Variants in SFXN5 observed in about 807,000 individuals in gnomAD.
SFXN5 encodes sideroflexin-5.
A neutral mutation model predicts 50.2 loss-of-function variants in SFXN5; 43 were observed. The observed-to-expected ratio is 0.86, with a 90% CI of 0.67 to 1.11. SFXN5 has a LOEUF of 1.11. Ranked by LOEUF, SFXN5 falls within the 50% of genes least tolerant of loss-of-function variation. SFXN5 has a pLI of 0.00. For synonymous variants in SFXN5, 203 were observed against 185.8 expected, an observed-to-expected ratio of 1.09 and a Z score of -0.75; for missense variants, 463 against 454.1, an observed-to-expected ratio of 1.02 and a Z score of -0.18.
intron 10 of SFXN5, among the ~76,000 whole-genome samples, chr2:72,977,974 G>GAAAAAAAA (rs56975766): frequency 2.4e-5 from 1 of 40,926 alleles, no homozygotes. Flanking sequence ...CTCTGCCTCA[G>GAAAAAAAA]AAAAAAAAAA....
intron 13 of SFXN5, among the ~76,000 whole-genome samples, chr2:72,954,797 C>T (rs1046587812): frequency 2.0e-5 from 3 of 152,156 alleles, no homozygotes; most frequent in African/African-American, 7.2e-5. Flanking sequence ...TGCTGCAGGC[C>T]GGGCACCTGA....
intron 9 of SFXN5, among the ~76,000 whole-genome samples, chr2:72,990,042 G>T (rs1672392485): frequency 6.6e-6 from 1 of 152,264 alleles, no homozygotes; most frequent in African/African-American, 2.4e-5. Context: ...AGGGCTGCCA[G>T]GCGCCTGCCG....
chr2:73,044,574 G>A (rs1004038797), intron 2 of SFXN5: 1 of 152,416 alleles, frequency 6.6e-6, no homozygotes, highest in African/African-American at 2.4e-5. Flanking sequence ...CTCAGCAGAA[G>A]GGCCCGGGTA....
At chr2:72,955,711 G>A (rs941996240) in intron 13 of SFXN5, among the ~76,000 whole-genome samples, 12 of 152,222 alleles carry the variant, frequency 7.9e-5, no homozygotes, top group Admixed American at 3.9e-4. Flanking sequence ...AGCCAAGCCC[G>A]TGTTCCTGGA....
intron 6 of SFXN5, 83 bp from the exon 7 acceptor site, chr2:73,001,661 T>A: frequency 2.3e-6 from 3 of 1,310,262 alleles, no homozygotes; most frequent in Non-Finnish European, 3.3e-6. Flanking sequence ...CTACCACAAA[T>A]GAGTGAGCTG....
intron 2 of SFXN5, among the ~76,000 whole-genome samples, chr2:73,046,408 C>G (rs1442605354): frequency 9.3e-6 from 1 of 108,096 alleles, no homozygotes; most frequent in African/African-American, 3.2e-5. Context: ...GACTCCATCT[C>G]AAAAAAAAAA....
chr2:72,996,507 G>GTT lies in SFXN5; in HGVS notation c.534+2440_534+2441dup, dbSNP rs11447075. On this transcript the variant is annotated intron_variant, in intron 9 of 13. Transcript: ENST00000272433. ...GAGCTCTCAGAAAAAGCTGAGTTTT[G>GTT]TTTTTTTTTTTTTTTTTTTGAGACA... 7.5e-3 allele frequency: 939 copies of GTT among 125,328 alleles called. 20 individuals carry two copies. The highest frequency in any genetic ancestry group is 0.041 in the Admixed American group (479 of 11,594). The allele number at this position is 125,328 out of a possible 1,614,324, so 7.8% of individuals were successfully genotyped here. A position where few individuals can be genotyped will look rare whatever the true frequency, so the allele number is the denominator to read the frequency against.
chr2:73,007,336 G>A (rs1224188461), intron 6 of SFXN5, among the ~76,000 whole-genome samples: 3 of 152,046 alleles, frequency 2.0e-5, no homozygotes, highest in African/African-American at 7.2e-5. Flanking sequence ...GGGAAGACTA[G>A]GGCGAACTGT....
At chr2:73,066,198 T>C (rs935962740) in intron 1 of SFXN5, among the ~76,000 whole-genome samples, 1 of 152,048 alleles carries the variant, frequency 6.6e-6, no homozygotes, top group Non-Finnish European at 1.5e-5. Flanking sequence ...TGGGGAATTC[T>C]ACAGGGACGA....
chr2:72,989,973 G>A (rs1672385006), intron 9 of SFXN5, among the ~76,000 whole-genome samples: 1 of 152,218 alleles, frequency 6.6e-6, no homozygotes, highest in Non-Finnish European at 1.5e-5. Context: ...CCTCAGGCCT[G>A]GCTCTGGCCT....
chr2:73,015,674 C>G (rs1328460709), intron 6 of SFXN5, among the ~76,000 whole-genome samples: 1 of 152,194 alleles, frequency 6.6e-6, no homozygotes, highest in African/African-American at 2.4e-5. Flanking sequence ...CCTTTGGGAA[C>G]AGTCACCTGG....
At chr2:72,972,038 C>T (rs866497862) in intron 10 of SFXN5, among the ~76,000 whole-genome samples, 4 of 152,196 alleles carry the variant, frequency 2.6e-5, no homozygotes, top group South Asian at 2.1e-4. Flanking sequence ...GACCTGAAGT[C>T]GCATCCCCCC....
chr2:73,006,350 G>A (rs1324732311), intron 6 of SFXN5, among the ~76,000 whole-genome samples: 7 of 152,134 alleles, frequency 4.6e-5, no homozygotes, highest in East Asian at 1.9e-4. Flanking sequence ...TTACAGGCAC[G>A]GTGGCTCACG....
chr2:73,055,598 C>CT (rs570909541), intron 2 of SFXN5, among the ~76,000 whole-genome samples: 1,406 of 133,888 alleles, frequency 0.011, 17 homozygotes, highest in African/African-American at 0.017. Context: ...TTTTCTTTTT[C>CT]TTTTTTTTTT....
At chr2:72,993,307 A>T (rs879474623) in intron 9 of SFXN5, among the ~76,000 whole-genome samples, 1 of 152,050 alleles carries the variant, frequency 6.6e-6, no homozygotes, top group Non-Finnish European at 1.5e-5. Flanking sequence ...TGGACCCAAG[A>T]CCCTCCATGG....
rs775295776 is a variant in SFXN5, at chr2:73,058,517, C to G, written c.171+11G>C. 6.2e-6 allele frequency: 10 copies of G among 1,613,366 alleles called. No individual in the cohort carries two copies. Among genetic ancestry groups the G allele is most frequent in the African/African-American group, 1.3e-5 (1 of 74,888 alleles). On this transcript the variant is annotated intron_variant, in intron 2 of 13. Transcript: ENST00000272433. ...GGCCCAAGGGCCACTGAGGTGACAG[C>G]CATGACTTACCTCAGTGACAAAGAG... is the stretch of plus-strand genomic sequence containing the variant.
intron 9 of SFXN5, among the ~76,000 whole-genome samples, chr2:72,991,053 C>A (rs6709938): frequency 0.33 from 50,680 of 152,064 alleles, 10,329 homozygotes; most frequent in African/African-American, 0.57. Context: ...GAGCCATTCA[C>A]GGAAGTGAGC....
At chr2:72,959,932 G>A (rs1374524421) in intron 13 of SFXN5, among the ~76,000 whole-genome samples, 1 of 152,174 alleles carries the variant, frequency 6.6e-6, no homozygotes, top group Non-Finnish European at 1.5e-5. Flanking sequence ...TCTGGGGACA[G>A]GGTTTGGCTA....
chr2:73,041,237 T>C (rs765316647), intron 2 of SFXN5, among the ~76,000 whole-genome samples: 4 of 152,198 alleles, frequency 2.6e-5, no homozygotes, highest in African/African-American at 7.2e-5. Flanking sequence ...CACACACATA[T>C]CAAATAATAT....
Sources: allele counts gnomAD v4.1 joint callset (sites outside exome capture counted in the v4.1 genomes callset), GRCh38; gene constraint gnomAD v4.1.1; transcripts MANE v1.5; gene names NCBI Gene and HGNC (gene_info 2026-07-23, HGNC 2026-07-21).